TNR: variants seen among roughly 807,000 people sequenced by gnomAD.
TNR encodes the protein tenascin R.
A neutral mutation model predicts 150.4 loss-of-function variants in TNR; 45 were observed. The observed-to-expected ratio is 0.30, with a 90% CI of 0.24 to 0.38. The LOEUF (loss-of-function observed/expected upper bound fraction) is 0.38, where lower values mean the gene tolerates loss of function less well. TNR is among the 10% of genes least tolerant of loss of function. TNR has a pLI of 1.00. For synonymous variants in TNR, 687 were observed against 678.4 expected, an observed-to-expected ratio of 1.01 and a Z score of -0.20; for missense variants, 1,544 against 1,759.1, an observed-to-expected ratio of 0.88 and a Z score of 2.19.
chr1:175,593,201 C>A (rs1314407650), intron 1 of TNR, among the ~76,000 whole-genome samples: 3 of 152,084 alleles, frequency 2.0e-5, no homozygotes, highest in Admixed American at 6.5e-5. Flanking sequence ...TGCAGAGGAA[C>A]CATCTACTTT....
At position 175,575,977 on chromosome 1, in the gene TNR, C is replaced by T. The variant is rs554953562; in HGVS notation, c.-164-47608G>A. On this transcript the variant is annotated intron_variant, in intron 1 of 22. Transcript: ENST00000367674. ...GCCTGCTCTGCTAGGGGCTGCGATT[C>T]GAGACATCCTCATTTGGGGAGCTGT... is the stretch of plus-strand genomic sequence containing the variant. 7.2e-5 allele frequency among the ~76,000 whole-genome samples: 11 copies of T among 152,318 alleles called. No individual in the cohort carries two copies. In the South Asian group the frequency reaches 1.5e-3, roughly 20 times the overall value.
intron 2 of TNR, among the ~76,000 whole-genome samples, chr1:175,471,211 G>A (rs953996586): frequency 1.3e-5 from 2 of 152,144 alleles, no homozygotes; most frequent in Non-Finnish European, 2.9e-5. Flanking sequence ...GTCCTTCCCT[G>A]CCCATCTCTG....
At chr1:175,338,942 C>T (rs993380190) in intron 18 of TNR, among the ~76,000 whole-genome samples, 19 of 152,210 alleles carry the variant, frequency 1.2e-4, no homozygotes, top group African/African-American at 4.1e-4. Context: ...ACACACCCGT[C>T]GAGGGCGCAC....
At chr1:175,337,206 T>C (rs1650291830) in intron 19 of TNR, among the ~76,000 whole-genome samples, 1 of 152,190 alleles carries the variant, frequency 6.6e-6, no homozygotes. Context: ...TCCACTGCTT[T>C]ATTAGAGATG....
At chr1:175,354,319 C>T in intron 18 of TNR, 72 bp downstream of exon 18, 1 of 1,577,156 alleles carries the variant, frequency 6.3e-7, no homozygotes, top group Non-Finnish European at 8.6e-7. Flanking sequence ...GAGCAAGTCT[C>T]AGCAGAGGCT....
intron 1 of TNR, among the ~76,000 whole-genome samples, chr1:175,601,688 A>T (rs746675612): frequency 3.3e-5 from 5 of 152,198 alleles, no homozygotes; most frequent in Non-Finnish European, 7.3e-5. Context: ...CCAGGGCCTG[A>T]GTTAAGCAAT....
intron 1 of TNR, among the ~76,000 whole-genome samples, chr1:175,685,499 G>GT (rs1374729266): frequency 2.6e-5 from 4 of 152,148 alleles, no homozygotes; most frequent in Non-Finnish European, 5.9e-5. Flanking sequence ...TTTGACCCCT[G>GT]TTGGGCCCAT....
intron 1 of TNR, among the ~76,000 whole-genome samples, chr1:175,648,788 T>G (rs1232037780): frequency 6.6e-6 from 1 of 152,184 alleles, no homozygotes; most frequent in Admixed American, 6.5e-5. Flanking sequence ...TGCTCCACCG[T>G]TAGTCTTCCC....
At chr1:175,679,612 G>T (rs187544098) in intron 1 of TNR, among the ~76,000 whole-genome samples, 22 of 152,304 alleles carry the variant, frequency 1.4e-4, no homozygotes, top group Admixed American at 1.2e-3. Flanking sequence ...GGAAAGGAGG[G>T]ATTGGAGGGA....
intron 2 of TNR, among the ~76,000 whole-genome samples, chr1:175,434,272 T>C (rs2102073358): frequency 6.6e-6 from 1 of 152,240 alleles, no homozygotes; most frequent in East Asian, 1.9e-4. Flanking sequence ...TATGTTAGCA[T>C]ATGGGGTGTC....
At chr1:175,376,857 A>ATGTTTTT (rs200447454) in intron 9 of TNR, among the ~76,000 whole-genome samples, 2 of 113,484 alleles carry the variant, frequency 1.8e-5, no homozygotes, top group Admixed American at 1.9e-4. Flanking sequence ...TATAAATGTA[A>ATGTTTTT]TATTATATAT....
chr1:175,376,860 T>TTATATA (rs371694471), intron 9 of TNR, among the ~76,000 whole-genome samples: 158 of 113,700 alleles, frequency 1.4e-3, no homozygotes, highest in African/African-American at 4.6e-3. Flanking sequence ...AAATGTAATA[T>TTATATA]TATATATATA....
intron 2 of TNR, among the ~76,000 whole-genome samples, chr1:175,451,880 T>C (rs1251907884): frequency 6.6e-6 from 1 of 152,216 alleles, no homozygotes; most frequent in Non-Finnish European, 1.5e-5. Context: ...CTATAACGAA[T>C]TGCTCTGGTT....
intron 1 of TNR, among the ~76,000 whole-genome samples, chr1:175,635,443 A>C (rs909664677): frequency 1.2e-4 from 18 of 152,246 alleles, no homozygotes; most frequent in African/African-American, 4.3e-4. Flanking sequence ...AATATTCGGC[A>C]AGAGTGAGTT....
intron 1 of TNR, among the ~76,000 whole-genome samples, chr1:175,711,062 T>A (rs1233757579): frequency 6.6e-6 from 1 of 152,190 alleles, no homozygotes; most frequent in East Asian, 1.9e-4. Flanking sequence ...AGGATGTGCC[T>A]CTGTATGGGG....
intron 2 of TNR, among the ~76,000 whole-genome samples, chr1:175,489,788 T>C (rs1243943242): frequency 2.6e-5 from 4 of 152,228 alleles, no homozygotes; most frequent in Non-Finnish European, 5.9e-5. Flanking sequence ...TGAAATCCTA[T>C]ATACATACAT....
At chr1:175,470,507 A>AT (rs1434793156) in intron 2 of TNR, among the ~76,000 whole-genome samples, 5 of 151,894 alleles carry the variant, frequency 3.3e-5, no homozygotes, top group Non-Finnish European at 2.9e-5. Flanking sequence ...TAATTGTTTA[A>AT]TTTTTAACAA....
chr1:175,562,985 T>C lies in TNR; in HGVS notation c.-164-34616A>G, dbSNP rs147145929. Among the ~76,000 whole-genome samples the C allele has an allele frequency of 8.0e-4, 122 of 152,278 alleles. No homozygotes were observed. In the East Asian group the frequency reaches 0.017, roughly 21 times the overall value. Reference sequence around the variant, plus strand: ...TCGATAGAATCAGTGGTTGACCAAATGGAGAGGTTGAATCAGGAAGCATGA... The same window carrying C: ...TCGATAGAATCAGTGGTTGACCAAACGGAGAGGTTGAATCAGGAAGCATGA... On this transcript the variant is annotated intron_variant, in intron 1 of 22. Coordinates refer to ENST00000367674, the MANE Select transcript of TNR (RefSeq NM_003285.3).
intron 1 of TNR, among the ~76,000 whole-genome samples, chr1:175,581,165 C>T (rs535926410): frequency 6.6e-6 from 1 of 152,290 alleles, no homozygotes; most frequent in Non-Finnish European, 1.5e-5. Context: ...GCTGCTGCTG[C>T]CCACAGTGGT....
Sources: allele counts gnomAD v4.1 joint callset (sites outside exome capture counted in the v4.1 genomes callset), GRCh38; gene constraint gnomAD v4.1.1; transcripts MANE v1.5; gene names NCBI Gene and HGNC (gene_info 2026-07-23, HGNC 2026-07-21).